Variants in FSTL4 observed in about 807,000 individuals in gnomAD.
The protein encoded by FSTL4 is follistatin like 4, also known as follistatin-related protein 4.
A neutral mutation model predicts 78.2 loss-of-function variants in FSTL4; 28 were observed. The ratio of observed to expected loss-of-function variants is 0.36; its 90% confidence interval spans 0.27 to 0.49. The LOEUF (loss-of-function observed/expected upper bound fraction) is 0.49, where lower values mean the gene tolerates loss of function less well. Ranked by LOEUF, FSTL4 falls within the 20% of genes least tolerant of loss-of-function variation. The pLI, the probability that FSTL4 is intolerant of heterozygous loss-of-function variation, is 0.98. For synonymous variants in FSTL4, 422 were observed against 440.5 expected (o/e 0.96, Z 0.53); for missense variants, 922 against 1,084.9 (o/e 0.85, Z 2.11).
At chr5:133,358,981 C>A (rs952155043) in intron 4 of FSTL4, among the ~76,000 whole-genome samples, 2 of 152,194 alleles carry the variant, frequency 1.3e-5, no homozygotes, top group African/African-American at 4.8e-5. Flanking sequence ...AGTGAGCATT[C>A]AGGTCTGGTT....
chr5:133,662,100 G>A, the FSTL4 span, among the ~76,000 whole-genome samples: 1 of 152,034 alleles, frequency 6.6e-6, no homozygotes, highest in Non-Finnish European at 1.5e-5. Flanking sequence ...CTGAACTATA[G>A]CCAGTACATT....
intron 6 of FSTL4, among the ~76,000 whole-genome samples, chr5:133,305,994 G>T (rs919048431): frequency 1.3e-5 from 2 of 152,220 alleles, no homozygotes; most frequent in African/African-American, 4.8e-5. Context: ...CCTTCCCACG[G>T]TGGTCTTCCT....
chr5:133,235,883 C>T (rs1751646707), intron 7 of FSTL4, among the ~76,000 whole-genome samples: 1 of 152,122 alleles, frequency 6.6e-6, no homozygotes, highest in South Asian at 2.1e-4. Flanking sequence ...CGACATATTT[C>T]TAGTCTAAGC....
At position 133,378,078 on chromosome 5, in the gene FSTL4, A is replaced by T. The variant is rs778194083; in HGVS notation, c.409+22660T>A. Among the ~76,000 whole-genome samples, 3 of 152,208 alleles carry T rather than the reference A, an allele frequency of 2.0e-5. No homozygotes were observed. The South Asian group carries it at 6.2e-4, about 31-fold the overall frequency. ...TCAAAAACGAAGGCAAAATAAGGAC[A>T]TTCTCAGATAAACAAAAACAGATAA... On this transcript the variant is annotated intron_variant, in intron 4 of 15. Transcript: ENST00000265342.
the FSTL4 span, among the ~76,000 whole-genome samples, chr5:133,700,964 CCT>C: frequency 1.3e-5 from 2 of 152,208 alleles, no homozygotes; most frequent in Non-Finnish European, 2.9e-5. Flanking sequence ...GAAGGACGGG[CCT>C]CTCTCTGCTC....
At chr5:133,377,474 G>T (rs538176901) in intron 4 of FSTL4, among the ~76,000 whole-genome samples, 11 of 151,388 alleles carry the variant, frequency 7.3e-5, no homozygotes, top group African/African-American at 2.0e-4. Context: ...AGAGGAATTT[G>T]GAACAGAGTA....
chr5:133,308,163 G>A (rs1753697638), intron 6 of FSTL4, among the ~76,000 whole-genome samples: 1 of 152,224 alleles, frequency 6.6e-6, no homozygotes, highest in African/African-American at 2.4e-5. Context: ...ACCAAGGGCA[G>A]TGAATCAGTT....
intron 3 of FSTL4, among the ~76,000 whole-genome samples, chr5:133,422,357 G>A (rs1756715742): frequency 6.6e-6 from 1 of 152,136 alleles, no homozygotes; most frequent in South Asian, 2.1e-4. Flanking sequence ...AAGCAGGGAG[G>A]CAGCCTAGGT....
the FSTL4 span, among the ~76,000 whole-genome samples, chr5:133,661,927 C>T: frequency 6.6e-6 from 1 of 152,196 alleles, no homozygotes; most frequent in African/African-American, 2.4e-5. Flanking sequence ...GTGTATTCAA[C>T]AGATATTTGT....
At chr5:133,491,260 G>A (rs1238188661) in intron 3 of FSTL4, among the ~76,000 whole-genome samples, 1 of 152,116 alleles carries the variant, frequency 6.6e-6, no homozygotes, top group Non-Finnish European at 1.5e-5. Context: ...GTCTGTTTAG[G>A]AGCTGTGTTA....
the FSTL4 span, among the ~76,000 whole-genome samples, chr5:133,841,476 G>A: frequency 2.6e-5 from 4 of 152,214 alleles, no homozygotes; most frequent in Admixed American, 6.5e-5. Flanking sequence ...ACAGGAGCCC[G>A]AGTTCTTCTA....
At chr5:133,675,459 TCTTGTTCCCGTGGCCGTCAGGCAAG>T in the FSTL4 span, among the ~76,000 whole-genome samples, 1 of 152,236 alleles carries the variant, frequency 6.6e-6, no homozygotes, top group Non-Finnish European at 1.5e-5. Flanking sequence ...CGGCTGGGCC[TCTTGTTCCCGTGGCCGTCAGGCAAG>T]CCACTCACCA....
the FSTL4 span, among the ~76,000 whole-genome samples, chr5:133,681,393 C>T: frequency 6.6e-6 from 1 of 152,346 alleles, no homozygotes; most frequent in Non-Finnish European, 1.5e-5. Context: ...TTCACTCCAA[C>T]AGAACTGAAT....
At chr5:133,479,799 A>G (rs1472803063) in intron 3 of FSTL4, among the ~76,000 whole-genome samples, 1 of 152,328 alleles carries the variant, frequency 6.6e-6, no homozygotes, top group East Asian at 1.9e-4. Flanking sequence ...CAGACCAAAA[A>G]TCATTGACTT....
intron 4 of FSTL4, among the ~76,000 whole-genome samples, chr5:133,365,497 C>T (rs1299880719): frequency 1.3e-5 from 2 of 152,096 alleles, no homozygotes; most frequent in South Asian, 2.1e-4. Flanking sequence ...GACAGCATGC[C>T]CCCACCTGCT....
intron 4 of FSTL4, among the ~76,000 whole-genome samples, chr5:133,335,508 G>A (rs1754444327): frequency 6.6e-6 from 1 of 151,998 alleles, no homozygotes; most frequent in African/African-American, 2.4e-5. Context: ...TGCCTGACTG[G>A]CCAGCAAGCC....
intron 4 of FSTL4, among the ~76,000 whole-genome samples, chr5:133,363,602 T>G (rs1755117091): frequency 6.6e-6 from 1 of 152,154 alleles, no homozygotes; most frequent in Admixed American, 6.5e-5. Flanking sequence ...TCCTTGCTCT[T>G]GCCTTAAAAA....
intron 3 of FSTL4, among the ~76,000 whole-genome samples, chr5:133,559,765 G>A (rs1450901341): frequency 6.6e-6 from 1 of 152,228 alleles, no homozygotes; most frequent in Non-Finnish European, 1.5e-5. Context: ...CATGAACACA[G>A]TTTAAGCTCC....
intron 4 of FSTL4, among the ~76,000 whole-genome samples, chr5:133,356,712 T>C (rs1365795762): frequency 6.6e-6 from 1 of 152,256 alleles, no homozygotes; most frequent in Non-Finnish European, 1.5e-5. Context: ...AAAAAAAGCA[T>C]GAAAGACCCA....
Sources: gnomAD v4.1 joint callset for allele counts (sites outside exome capture counted in the v4.1 genomes callset) on GRCh38, gnomAD v4.1.1 for gene constraint, MANE v1.5 for transcripts, NCBI Gene and HGNC (gene_info 2026-07-23, HGNC 2026-07-21) for gene names.